The following PPP2R5C variants were observed in gnomAD, a reference collection of about 807,000 sequenced individuals.
PPP2R5C encodes the protein serine/threonine-protein phosphatase 2A 56 kDa regulatory subunit gamma isoform.
Under a neutral mutation model 68.9 loss-of-function variants are expected in PPP2R5C, and 7 were observed. The ratio of observed to expected loss-of-function variants is 0.10; its 90% CI spans 0.06 to 0.19. PPP2R5C has a LOEUF of 0.19. Ranked by LOEUF, PPP2R5C falls within the 10% of genes least tolerant of loss-of-function variation. The pLI is 1.00. For missense variants in PPP2R5C, 348 were observed against 641.3 expected (o/e 0.54, Z 4.94); for synonymous variants, 210 against 222.2 (o/e 0.95, Z 0.49).
At chr14:101,764,805 T>C (rs1043982722) in intron 2 of PPP2R5C, among the ~76,000 whole-genome samples, 3 of 131,338 alleles carry the variant, frequency 2.3e-5, no homozygotes, top group Non-Finnish European at 5.0e-5. Flanking sequence ...ATATGCCTTT[T>C]TTTTTTTTTT....
chr14:101,808,770 C>T (rs962468104), upstream of PPP2R5C, among the ~76,000 whole-genome samples: 1 of 152,138 alleles, frequency 6.6e-6, no homozygotes, highest in Non-Finnish European at 1.5e-5. Flanking sequence ...GACAAACTTC[C>T]TTGTTGGTGT....
At chr14:101,793,330 G>A (rs971797239) in intron 3 of PPP2R5C, among the ~76,000 whole-genome samples, 16 of 152,162 alleles carry the variant, frequency 1.1e-4, no homozygotes, top group African/African-American at 4.8e-5. Flanking sequence ...TTTCTGAATC[G>A]TACATTCATA....
At chr14:101,898,410 C>G (rs1299395529) in intron 8 of PPP2R5C, among the ~76,000 whole-genome samples, 1 of 152,184 alleles carries the variant, frequency 6.6e-6, no homozygotes, top group African/African-American at 2.4e-5. Context: ...CCACCGAGGG[C>G]TCGGTGAATG....
exon 3 of PPP2R5C, chr14:101,786,091 C>G: frequency 6.4e-7 from 1 of 1,568,218 alleles, no homozygotes; most frequent in Non-Finnish European, 8.7e-7. Context: ...GTACCAGTCT[C>G]TCAGCCCATA....
At chr14:101,806,424 A>G (rs532560740), upstream of PPP2R5C, among the ~76,000 whole-genome samples, 27 of 152,160 alleles carry the variant, frequency 1.8e-4, no homozygotes, top group Non-Finnish European at 3.4e-4. Flanking sequence ...CCATGTCCCT[A>G]CAAAAGACAT....
chr14:101,908,080 T>C (rs1468956053), intron 10 of PPP2R5C, among the ~76,000 whole-genome samples: 4 of 152,236 alleles, frequency 2.6e-5, no homozygotes, highest in African/African-American at 9.7e-5. Flanking sequence ...TCTCACCAGG[T>C]CTTTCTTAGC....
chr14:101,805,031 A>C (rs2039019998), upstream of PPP2R5C, among the ~76,000 whole-genome samples: 1 of 152,174 alleles, frequency 6.6e-6, no homozygotes, highest in Non-Finnish European at 1.5e-5. Flanking sequence ...ATAAGTTTTA[A>C]AAAATAAGTG....
chr14:101,823,698 G>A, intron 1 of PPP2R5C: 1 of 963,058 alleles, frequency 1.0e-6, no homozygotes, highest in South Asian at 3.8e-5. Flanking sequence ...AGAAGGAGCT[G>A]GTGACAGAGA....
intron 1 of PPP2R5C, among the ~76,000 whole-genome samples, chr14:101,811,955 GA>G (rs764389013): frequency 1.1e-4 from 17 of 151,998 alleles, no homozygotes; most frequent in Non-Finnish European, 2.2e-4. Context: ...ATTGTGGAGG[GA>G]AAAAGCAGTG....
chr14:101,837,670 T>C (rs952365530), intron 1 of PPP2R5C, among the ~76,000 whole-genome samples: 1 of 152,230 alleles, frequency 6.6e-6, no homozygotes, highest in African/African-American at 2.4e-5. Flanking sequence ...CTGTGGGCTT[T>C]GTTGGAAGCT....
chr14:101,844,158 T>G (rs1394274310), intron 1 of PPP2R5C: 1 of 151,388 alleles, frequency 6.6e-6, no homozygotes, highest in Non-Finnish European at 1.5e-5. Flanking sequence ...TTTTTTTTTT[T>G]GAGTTGATGG....
intron 5 of PPP2R5C, among the ~76,000 whole-genome samples, chr14:101,885,214 G>A (rs374322249): frequency 6.1e-4 from 93 of 152,320 alleles, no homozygotes; most frequent in Admixed American, 1.3e-3. Context: ...GGGCCTCGGG[G>A]TCCTTTCTTA....
intron 3 of PPP2R5C, among the ~76,000 whole-genome samples, chr14:101,793,457 C>T (rs775533172): frequency 5.9e-5 from 9 of 152,240 alleles, no homozygotes; most frequent in East Asian, 1.9e-4. Flanking sequence ...GCCCCTTCAG[C>T]GCCAGCAAGG....
intron 3 of PPP2R5C, among the ~76,000 whole-genome samples, chr14:101,799,184 G>A (rs1233936146): frequency 1.3e-5 from 2 of 152,200 alleles, no homozygotes; most frequent in Admixed American, 1.3e-4. Context: ...GGTCTAAGCC[G>A]AGATTCCTCA....
At chr14:101,925,318 G>A (rs973639005) in exon 14 of PPP2R5C, 2 of 1,604,468 alleles carry the variant, frequency 1.2e-6, no homozygotes, top group African/African-American at 2.7e-5. Context: ...TTCTTTTCCG[G>A]ATTCTGTAGA....
intron 2 of PPP2R5C, among the ~76,000 whole-genome samples, chr14:101,874,462 T>TA (rs2043621244): frequency 6.6e-6 from 1 of 152,234 alleles, no homozygotes; most frequent in Admixed American, 6.5e-5. Flanking sequence ...AAACTAATCT[T>TA]TGGCCCAGAG....
rs8018243 is a variant in PPP2R5C at position 101,840,476 on chromosome 14, C to A, written c.95-16210C>A. ...AGCTTCCAGCACCACCTGCTCCCCC[C>A]ACCACCAAAAAAAAAAAAAAAAAAA... On this transcript the variant is annotated intron_variant, in intron 1 of 13. Coordinates refer to ENST00000334743, the Ensembl canonical transcript of PPP2R5C. Among the ~76,000 whole-genome samples, 118 of 133,872 alleles carry A rather than the reference C, an allele frequency of 8.8e-4. 1 individual carries two copies. Among genetic ancestry groups the A allele is most frequent in the African/African-American group, 2.7e-3 (94 of 35,000 alleles). 87.8% of individuals were successfully genotyped at this position (133,872 alleles called of 152,430 possible). A position where few individuals can be genotyped will look rare whatever the true frequency, so the allele number is the denominator to read the frequency against.
intron 1 of PPP2R5C, among the ~76,000 whole-genome samples, chr14:101,827,903 A>G (rs968236501): frequency 6.6e-6 from 1 of 152,050 alleles, no homozygotes; most frequent in Non-Finnish European, 1.5e-5. Context: ...CTATAACCTC[A>G]TATTGGAAGT....
chr14:101,836,099 C>T (rs1016260522), intron 1 of PPP2R5C: 6 of 636,148 alleles, frequency 9.4e-6, no homozygotes, highest in Non-Finnish European at 1.7e-5. Context: ...AAGGAAATTC[C>T]TCAATCCACA....
Sources: gnomAD v4.1 joint callset for allele counts (sites outside exome capture counted in the v4.1 genomes callset) on GRCh38, gnomAD v4.1.1 for gene constraint, MANE v1.5 for transcripts, NCBI Gene and HGNC (gene_info 2026-07-23, HGNC 2026-07-21) for gene names.